The following GRIN2B variants were observed in gnomAD, a reference collection of about 807,000 sequenced individuals.
The protein encoded by GRIN2B is glutamate ionotropic receptor NMDA type subunit 2B.
GRIN2B carries 5 observed loss-of-function variants against 114.5 expected under a neutral mutation model. The observed-to-expected ratio is 0.04, with a 90% CI of 0.02 to 0.09. The LOEUF (loss-of-function observed/expected upper bound fraction) is 0.09, where lower values mean the gene tolerates loss of function less well. Among genes scored for constraint, GRIN2B ranks in the 10% least tolerant of loss-of-function variants. GRIN2B has a pLI of 1.00. For synonymous variants in GRIN2B, 787 were observed against 745.1 expected (o/e 1.06, Z -0.92); for missense variants, 1,108 against 1,943.5 (o/e 0.57, Z 8.08).
At chr12:13,918,260 G>A (rs1187732011) in intron 2 of GRIN2B, among the ~76,000 whole-genome samples, 1 of 152,204 alleles carries the variant, frequency 6.6e-6, no homozygotes, top group Non-Finnish European at 1.5e-5. Flanking sequence ...GTGAAAGTTA[G>A]CCAGACTTGT....
intron 4 of GRIN2B, among the ~76,000 whole-genome samples, chr12:13,736,257 G>A (rs1165202538): frequency 1.3e-5 from 2 of 151,832 alleles, no homozygotes; most frequent in African/African-American, 4.8e-5. Context: ...AAGTATGGCA[G>A]CCAGTGCAGT....
At chr12:13,793,523 T>C (rs185279550) in intron 3 of GRIN2B, among the ~76,000 whole-genome samples, 1 of 152,350 alleles carries the variant, frequency 6.6e-6, no homozygotes, top group African/African-American at 2.4e-5. Context: ...CCCTTCCTCC[T>C]TTCTGAACAG....
chr12:13,756,075 T>C (rs1863570330), intron 3 of GRIN2B, among the ~76,000 whole-genome samples: 1 of 152,210 alleles, frequency 6.6e-6, no homozygotes, highest in South Asian at 2.1e-4. Flanking sequence ...TAGAGTGCAG[T>C]GGCACAATCT....
intron 10 of GRIN2B, among the ~76,000 whole-genome samples, chr12:13,585,909 A>C (rs1205882501): frequency 6.6e-6 from 1 of 152,256 alleles, no homozygotes; most frequent in Non-Finnish European, 1.5e-5. Context: ...AGTCGACAGC[A>C]AGATACGGCA....
At chr12:13,897,749 A>C (rs954693037) in intron 2 of GRIN2B, among the ~76,000 whole-genome samples, 2 of 152,154 alleles carry the variant, frequency 1.3e-5, no homozygotes, top group Admixed American at 1.3e-4. Flanking sequence ...TTACATCAAT[A>C]AAGCAGAAAG....
At chr12:13,824,864 A>C (rs1221399974) in intron 3 of GRIN2B, among the ~76,000 whole-genome samples, 1 of 151,150 alleles carries the variant, frequency 6.6e-6, no homozygotes, top group Admixed American at 6.6e-5. Flanking sequence ...TCAAAAAAAA[A>C]AAAAAAAAAA....
intron 5 of GRIN2B, among the ~76,000 whole-genome samples, chr12:13,620,938 A>G (rs1021675488): frequency 1.9e-5 from 2 of 107,388 alleles, no homozygotes; most frequent in Non-Finnish European, 4.0e-5. Context: ...GAGTACTGAA[A>G]GGTGAAACTT....
intron 3 of GRIN2B, among the ~76,000 whole-genome samples, chr12:13,827,630 T>C (rs1474999482): frequency 6.6e-6 from 1 of 150,624 alleles, no homozygotes; most frequent in African/African-American, 2.4e-5. Context: ...TTTTTCTTCT[T>C]CATCATGTTC....
chr12:13,562,929 C>T lies in GRIN2B; in HGVS notation c.4309G>A (p.Ala1437Thr), dbSNP rs797045608. 3.7e-6 allele frequency: 6 copies of T among 1,614,180 alleles called. No homozygotes were observed. Among genetic ancestry groups the T allele is most frequent in the East Asian group, 2.2e-5 (1 of 44,874 alleles). ...NKPVVSALHG[A>T]VPARFQKDIC... ...TCCTTCTGGAAACGGGCTGGCACGGCCCCATGAAGGGCCGAGACCACCGGC... is the reference window on the plus strand; with the variant it reads ...TCCTTCTGGAAACGGGCTGGCACGGTCCCATGAAGGGCCGAGACCACCGGC... The change falls in exon 14 of 14, where the codon GCC (alanine) becomes ACC (threonine). Residue 1437 changes from alanine (A) to threonine (T), a missense_variant. Ala to Thr is a moderately conservative substitution (Grantham distance 58, BLOSUM62 0). Transcript: ENST00000609686.
intron 3 of GRIN2B, among the ~76,000 whole-genome samples, chr12:13,773,470 A>C (rs892213736): frequency 3.3e-5 from 5 of 152,228 alleles, no homozygotes; most frequent in African/African-American, 1.2e-4. Flanking sequence ...TAAGGTGAAC[A>C]CAGAGAATCA....
At chr12:13,895,401 G>C (rs1207426347) in intron 2 of GRIN2B, among the ~76,000 whole-genome samples, 1 of 152,046 alleles carries the variant, frequency 6.6e-6, no homozygotes, top group Non-Finnish European at 1.5e-5. Context: ...TTCATTAAAG[G>C]GACTTGAAAA....
At chr12:13,670,082 G>C (rs993907262) in intron 5 of GRIN2B, among the ~76,000 whole-genome samples, 2 of 152,066 alleles carry the variant, frequency 1.3e-5, no homozygotes, top group Admixed American at 1.3e-4. Flanking sequence ...CTTCCCTCCA[G>C]TTGATCCATC....
chr12:13,838,336 A>C (rs189165288), intron 3 of GRIN2B, among the ~76,000 whole-genome samples: 1 of 152,264 alleles, frequency 6.6e-6, no homozygotes, highest in East Asian at 1.9e-4. Flanking sequence ...TTCTCTGAGG[A>C]AAAAACCCTA....
At chr12:13,892,185 C>A (rs1866273380) in intron 2 of GRIN2B, among the ~76,000 whole-genome samples, 1 of 152,092 alleles carries the variant, frequency 6.6e-6, no homozygotes, top group Admixed American at 6.6e-5. Flanking sequence ...AGGTGAAACA[C>A]AACCGTCCCA....
intron 2 of GRIN2B, among the ~76,000 whole-genome samples, chr12:13,869,242 T>C (rs1300690162): frequency 4.2e-5 from 2 of 47,104 alleles, no homozygotes; most frequent in African/African-American, 2.2e-4. Context: ...TTTTTTTTTC[T>C]TTTTTTTTTT....
rs1309342854 is a variant in GRIN2B at position 13,873,046 on chromosome 12, A to G, written c.-18-6820T>C. On this transcript the variant is annotated intron_variant, in intron 2 of 13. Coordinates refer to ENST00000609686, the MANE Select transcript of GRIN2B (RefSeq NM_000834.5). Reference sequence around the variant, plus strand: ...AAGTACCCAAAGAACTATTAAACACAATGTCCTTATCTGAACCTATAATGA... The same window carrying G: ...AAGTACCCAAAGAACTATTAAACACGATGTCCTTATCTGAACCTATAATGA... Among the ~76,000 whole-genome samples the G allele has an allele frequency of 3.3e-5, 5 of 152,230 alleles. 1 individual carries two copies. The highest frequency in any genetic ancestry group is 7.3e-5 in the Non-Finnish European group (5 of 68,038).
intron 3 of GRIN2B, among the ~76,000 whole-genome samples, chr12:13,760,552 A>G (rs1863660836): frequency 6.6e-6 from 1 of 152,208 alleles, no homozygotes; most frequent in Non-Finnish European, 1.5e-5. Context: ...TTCCTATTAT[A>G]TTAATAAAGA....
chr12:13,868,558 A>G (rs970140620), intron 2 of GRIN2B, among the ~76,000 whole-genome samples: 3 of 152,168 alleles, frequency 2.0e-5, no homozygotes, highest in African/African-American at 7.2e-5. Flanking sequence ...ACTTCATTCC[A>G]ATGGTATTCT....
Position 13,607,388 on chromosome 12 carries a change from T to C in GRIN2B, c.2010+1215A>G, listed in dbSNP as rs1255863741. Among the ~76,000 whole-genome samples, 13 of 75,946 alleles carry C rather than the reference T, an allele frequency of 1.7e-4. 1 individual carries two copies. The highest frequency in any genetic ancestry group is 6.8e-4 in the African/African-American group (12 of 17,692). 49.8% of individuals were successfully genotyped at this position (75,946 alleles called of 152,430 possible). On this transcript the variant is annotated intron_variant, in intron 10 of 13. Coordinates refer to ENST00000609686, the MANE Select transcript of GRIN2B (RefSeq NM_000834.5). ...TATATTATATATTATATATATAATA[T>C]ATATTATATATAATATATAAAATAT...
Sources: gnomAD v4.1 joint callset for allele counts (sites outside exome capture counted in the v4.1 genomes callset) on GRCh38, gnomAD v4.1.1 for gene constraint, MANE v1.5 for transcripts, NCBI Gene and HGNC (gene_info 2026-07-23, HGNC 2026-07-21) for gene names.